Variants in EML5 observed in about 807,000 individuals in gnomAD.
EML5 encodes the protein echinoderm microtubule-associated protein-like 5.
A neutral mutation model predicts 250.0 loss-of-function variants in EML5; 120 were observed. That is an observed-to-expected ratio of 0.48 (90% CI 0.41 to 0.56). EML5 has a LOEUF of 0.56. Ranked by LOEUF, EML5 falls within the 20% of genes least tolerant of loss-of-function variation. The probability of loss-of-function intolerance (pLI) is 0.00; values close to 1 mark genes in which losing one functional copy is unlikely to be tolerated. For missense variants in EML5, 2,006 were observed against 2,437.6 expected (o/e 0.82, Z 3.73); for synonymous variants, 771 against 806.5 (o/e 0.96, Z 0.75).
rs947965259 is a variant in EML5, at chr14:88,645,478, A to G, written c.4029-967T>C. On this transcript the variant is annotated intron_variant, in intron 29 of 43. Coordinates refer to ENST00000554922, the MANE Select transcript of EML5 (RefSeq NM_183387.3). ...AAAGCCTGGATTACTGTTCTAAAGT[A>G]TCTAACAGAGTATCTTCACATGGCA... 2.0e-5 allele frequency among the ~76,000 whole-genome samples: 3 copies of G among 152,386 alleles called. No homozygotes were observed. In the East Asian group the frequency reaches 5.8e-4, roughly 29 times the overall value.
At chr14:88,727,999 G>C (rs2093693125) in intron 7 of EML5, among the ~76,000 whole-genome samples, 2 of 152,164 alleles carry the variant, frequency 1.3e-5, no homozygotes, top group Non-Finnish European at 1.5e-5. Flanking sequence ...TTACTATTTT[G>C]AAGTAAGTTA....
chr14:88,759,518 T>C (rs1040035167), intron 1 of EML5, among the ~76,000 whole-genome samples: 5 of 151,496 alleles, frequency 3.3e-5, no homozygotes, highest in Admixed American at 3.3e-4. Flanking sequence ...ACCCCACCTC[T>C]ACAAAAAATA....
At chr14:88,722,282 A>C (rs536736954) in intron 8 of EML5, among the ~76,000 whole-genome samples, 1 of 152,376 alleles carries the variant, frequency 6.6e-6, no homozygotes, top group East Asian at 1.9e-4. Flanking sequence ...ACAAAGAAAT[A>C]TAAATCATTC....
intron 28 of EML5, among the ~76,000 whole-genome samples, chr14:88,648,892 C>A (rs890761281): frequency 3.9e-5 from 6 of 152,142 alleles, no homozygotes; most frequent in African/African-American, 1.4e-4. Context: ...ACACACCACT[C>A]TGCTTAAAAC....
At chr14:88,718,021 G>A (rs2093528641) in intron 8 of EML5, among the ~76,000 whole-genome samples, 1 of 152,156 alleles carries the variant, frequency 6.6e-6, no homozygotes, top group African/African-American at 2.4e-5. Flanking sequence ...AAAATCAACA[G>A]GATGTGGTGC....
chr14:88,758,279 G>A (rs1042110746), intron 1 of EML5, among the ~76,000 whole-genome samples: 6 of 151,590 alleles, frequency 4.0e-5, no homozygotes, highest in Non-Finnish European at 8.8e-5. Flanking sequence ...TGCAACTTCC[G>A]CCTCCCAGGT....
At chr14:88,790,365 TG>T (rs1459220193) in intron 1 of EML5, among the ~76,000 whole-genome samples, 3 of 152,232 alleles carry the variant, frequency 2.0e-5, no homozygotes, top group African/African-American at 7.2e-5. Context: ...GTATGTTTGT[TG>T]TTTTGTATAA....
intron 1 of EML5, among the ~76,000 whole-genome samples, chr14:88,787,434 A>T (rs767048148): frequency 4.1e-4 from 63 of 152,324 alleles, no homozygotes; most frequent in Non-Finnish European, 6.2e-4. Flanking sequence ...GTTTTCCTTA[A>T]TGTATATCCA....
intron 19 of EML5, among the ~76,000 whole-genome samples, chr14:88,686,476 G>T (rs1020917643): frequency 1.3e-5 from 2 of 151,902 alleles, no homozygotes; most frequent in Non-Finnish European, 2.9e-5. Context: ...ATGGTCGGCG[G>T]ACAGGGAGTT....
chr14:88,774,717 A>C (rs116144363), intron 1 of EML5, among the ~76,000 whole-genome samples: 2 of 152,288 alleles, frequency 1.3e-5, no homozygotes, highest in East Asian at 1.9e-4. Flanking sequence ...AAAATGTTGG[A>C]GTGCCACAGG....
chr14:88,706,327 T>C lies in EML5; in HGVS notation c.1757A>G (p.His586Arg), dbSNP rs368321898. Residue 586 changes from histidine (H) to arginine (R), a missense_variant, in exon 11 of 44, where the codon CAC becomes CGC. This residue lies in a region of EML5 where 1,375 missense variants were observed against 1,590.3 expected (regional missense o/e 0.86). Coordinates refer to ENST00000554922, the MANE Select transcript of EML5 (RefSeq NM_183387.3). ...AATAAATTTCCACTGAAAGACAGAG[T>C]GATCTGCTCCACCAATAGAAATAAC... ...QWVISIGGADHSVFQWKFIPE... is the reference protein window; with the variant it reads ...QWVISIGGADRSVFQWKFIPE... The C allele has an allele frequency of 1.4e-5, 22 of 1,610,174 alleles. No individual in the cohort carries two copies. The African/African-American group carries it at 2.4e-4, about 18-fold the overall frequency.
chr14:88,717,115 G>A (rs927221841), intron 8 of EML5, among the ~76,000 whole-genome samples: 1 of 152,162 alleles, frequency 6.6e-6, no homozygotes, highest in South Asian at 2.1e-4. Context: ...TGATTCTGGG[G>A]AGACATATCA....
At chr14:88,791,354 C>T (rs1379551725) in intron 1 of EML5, among the ~76,000 whole-genome samples, 2 of 152,162 alleles carry the variant, frequency 1.3e-5, no homozygotes, top group African/African-American at 4.8e-5. Context: ...AAGAGCACCA[C>T]ACAAACACAT....
chr14:88,791,296 T>A (rs1422491545), intron 1 of EML5, among the ~76,000 whole-genome samples: 1 of 152,196 alleles, frequency 6.6e-6, no homozygotes, highest in East Asian at 1.9e-4. Flanking sequence ...CATGAGGGAA[T>A]AACATTTTGT....
chr14:88,791,347 A>T (rs989460931), intron 1 of EML5, among the ~76,000 whole-genome samples: 1 of 152,212 alleles, frequency 6.6e-6, no homozygotes, highest in Non-Finnish European at 1.5e-5. Flanking sequence ...AAACCCCAAG[A>T]GCACCACACA....
At chr14:88,783,548 G>T (rs1291158835) in intron 1 of EML5, among the ~76,000 whole-genome samples, 1 of 152,138 alleles carries the variant, frequency 6.6e-6, no homozygotes, top group Admixed American at 6.6e-5. Flanking sequence ...AAGTAGATTT[G>T]AAGTAAAAAA....
intron 1 of EML5, among the ~76,000 whole-genome samples, chr14:88,761,154 A>T (rs1217058621): frequency 5.9e-5 from 9 of 151,882 alleles, no homozygotes; most frequent in African/African-American, 2.2e-4. Context: ...AAGCCTTTTT[A>T]TTTCTTGTCT....
intron 4 of EML5, 140 bp downstream of exon 4, chr14:88,743,883 A>G (rs911143288): frequency 1.9e-5 from 9 of 464,870 alleles, no homozygotes; most frequent in Non-Finnish European, 3.0e-5. Flanking sequence ...TTGACTGAAC[A>G]TAAGAACAAT....
At chr14:88,645,593 C>G (rs541492540) in intron 29 of EML5, among the ~76,000 whole-genome samples, 2 of 152,274 alleles carry the variant, frequency 1.3e-5, no homozygotes, top group South Asian at 4.2e-4. Flanking sequence ...CATCCGAGTT[C>G]AAATTTGTAT....
Sources: allele counts gnomAD v4.1 joint callset (sites outside exome capture counted in the v4.1 genomes callset), GRCh38; gene constraint gnomAD v4.1.1; regional missense constraint gnomAD v4.1.1; transcripts MANE v1.5; gene names NCBI Gene and HGNC (gene_info 2026-07-23, HGNC 2026-07-21).